The following FAAH2 variants were observed in gnomAD, a reference collection of about 807,000 sequenced individuals.
FAAH2 encodes fatty-acid amide hydrolase 2.
FAAH2 carries 60 observed loss-of-function variants against 36.9 expected under a neutral mutation model. That is an observed-to-expected ratio of 1.63 (90% CI 1.32 to 2.02). The LOEUF is 2.02. Ranked by LOEUF, FAAH2 falls within the 30% of genes most tolerant of loss-of-function variation. The pLI is 0.00. For missense variants in FAAH2, 689 were observed against 397.5 expected (o/e 1.73, Z -6.23); for synonymous variants, 214 against 143.8 (o/e 1.49, Z -3.49).
chrX:57,153,122 C>A, the FAAH2 span, among the ~76,000 whole-genome samples: 1 of 112,118 alleles, frequency 8.9e-6, no homozygotes, highest in African/African-American at 3.2e-5. Context: ...TGTAATGTCC[C>A]TGTTTGTCTT....
the FAAH2 span, among the ~76,000 whole-genome samples, chrX:57,149,185 C>T: frequency 9.0e-6 from 1 of 111,580 alleles, no homozygotes; most frequent in Non-Finnish European, 1.9e-5. Context: ...ATTTTTGCAT[C>T]AGTGTTCATC....
At chrX:57,257,444 C>G in the FAAH2 span, among the ~76,000 whole-genome samples, 2 of 110,595 alleles carry the variant, frequency 1.8e-5, no homozygotes, top group African/African-American at 3.3e-5. Context: ...ATCACAAGAT[C>G]AGAAAACCAT....
At chrX:57,400,479 G>C (rs763340629) in intron 7 of FAAH2, among the ~76,000 whole-genome samples, 10 of 112,322 alleles carry the variant, frequency 8.9e-5, no homozygotes, top group Non-Finnish European at 1.5e-4. Context: ...TTAACACTGG[G>C]ACTTGGGTTA....
At chrX:57,237,681 C>CA in the FAAH2 span, among the ~76,000 whole-genome samples, 11 of 110,500 alleles carry the variant, frequency 1.0e-4, no homozygotes, top group South Asian at 3.8e-4. Flanking sequence ...TTCTGCATAG[C>CA]AAAAAAACCT....
the FAAH2 span, among the ~76,000 whole-genome samples, chrX:57,159,404 G>C: frequency 2.7e-5 from 3 of 111,334 alleles, no homozygotes; most frequent in African/African-American, 9.8e-5. Context: ...GATGGGGATG[G>C]CATTGAATCT....
At chrX:57,459,829 C>A (rs1473646366) in intron 10 of FAAH2, among the ~76,000 whole-genome samples, 1 of 111,687 alleles carries the variant, frequency 9.0e-6, no homozygotes, top group African/African-American at 3.3e-5. Context: ...CCTTACAAAA[C>A]CCCATCCAAA....
At chrX:57,237,203 G>T in the FAAH2 span, among the ~76,000 whole-genome samples, 1 of 111,068 alleles carries the variant, frequency 9.0e-6, no homozygotes, top group Non-Finnish European at 1.9e-5. Context: ...CAATTTTGTC[G>T]CATTGATCTT....
the FAAH2 span, among the ~76,000 whole-genome samples, chrX:57,224,470 G>A: frequency 3.6e-5 from 4 of 111,263 alleles, no homozygotes; most frequent in Non-Finnish European, 7.5e-5. Context: ...GGGCCTGAAA[G>A]CTTAAGGAGA....
At chrX:57,135,653 T>C in the FAAH2 span, 6 of 1,042,094 alleles carry the variant, frequency 5.8e-6, no homozygotes, top group East Asian at 3.3e-5. Flanking sequence ...CAGCATGTCA[T>C]GTATTCACAA....
At chrX:57,257,967 A>T in the FAAH2 span, among the ~76,000 whole-genome samples, 4 of 112,118 alleles carry the variant, frequency 3.6e-5, no homozygotes, top group East Asian at 8.4e-4. Flanking sequence ...AATAGAAAAA[A>T]ATTAAACCTC....
At chrX:57,229,570 G>A in the FAAH2 span, among the ~76,000 whole-genome samples, 2 of 111,859 alleles carry the variant, frequency 1.8e-5, no homozygotes, top group African/African-American at 6.5e-5. Flanking sequence ...AGGAAGACAA[G>A]GGGAGAGAAA....
intron 7 of FAAH2, among the ~76,000 whole-genome samples, chrX:57,418,624 AC>A (rs1380973714): frequency 9.1e-6 from 1 of 109,693 alleles, no homozygotes; most frequent in African/African-American, 3.3e-5. Flanking sequence ...GAAATCACCC[AC>A]CTTCTGCGTT....
intron 7 of FAAH2, among the ~76,000 whole-genome samples, chrX:57,414,424 A>T (rs923964863): frequency 4.6e-4 from 51 of 111,997 alleles, no homozygotes; most frequent in African/African-American, 1.7e-3. Flanking sequence ...TTTTAGCATG[A>T]AAGGGTGTTG....
intron 5 of FAAH2, 93 bp from the exon 6 acceptor site, chrX:57,378,558 A>G (rs750917656): frequency 9.2e-7 from 1 of 1,087,232 alleles, no homozygotes. Flanking sequence ...CAGGAGAAAA[A>G]GTATTTAAGA....
the FAAH2 span, among the ~76,000 whole-genome samples, chrX:57,258,661 G>C: frequency 9.1e-6 from 1 of 109,324 alleles, no homozygotes; most frequent in Non-Finnish European, 1.9e-5. Flanking sequence ...TTCTTCCACG[G>C]AAAACTTACC....
chrX:57,260,314 A>T, the FAAH2 span, among the ~76,000 whole-genome samples: 1 of 111,860 alleles, frequency 8.9e-6, no homozygotes, highest in African/African-American at 3.2e-5. Context: ...CCAAGGTACC[A>T]AGACAATTTA....
intron 2 of FAAH2, among the ~76,000 whole-genome samples, chrX:57,299,428 A>G (rs1431544448): frequency 1.8e-5 from 2 of 111,786 alleles, no homozygotes; most frequent in African/African-American, 3.3e-5. Flanking sequence ...AAAACTCTCA[A>G]TAAATTAGGT....
chrX:57,444,994 T>G (rs181659450), intron 8 of FAAH2, among the ~76,000 whole-genome samples: 1 of 111,767 alleles, frequency 8.9e-6, no homozygotes, highest in East Asian at 2.8e-4. Flanking sequence ...GGTGCCTTAT[T>G]TAGTTTATTT....
At chrX:57,137,867 A>G in the FAAH2 span, among the ~76,000 whole-genome samples, 4 of 111,644 alleles carry the variant, frequency 3.6e-5, no homozygotes, top group African/African-American at 1.3e-4. Flanking sequence ...ATGTGTATGT[A>G]TGTATATATA....
Sources: allele counts gnomAD v4.1 joint callset (sites outside exome capture counted in the v4.1 genomes callset), GRCh38; gene constraint gnomAD v4.1.1; transcripts MANE v1.5; gene names NCBI Gene and HGNC (gene_info 2026-07-23, HGNC 2026-07-21).